SQSTM1: variants seen among roughly 807,000 people sequenced by gnomAD.
The protein encoded by SQSTM1 is sequestosome-1.
A neutral mutation model predicts 45.1 loss-of-function variants in SQSTM1; 36 were observed. That is an observed-to-expected ratio of 0.80 (90% CI 0.61 to 1.05). The LOEUF (loss-of-function observed/expected upper bound fraction) is 1.05. Among genes scored for constraint, SQSTM1 ranks in the 50% least tolerant of loss-of-function variants. SQSTM1 has a pLI of 0.00. For missense variants in SQSTM1, 617 were observed against 607.1 expected (o/e 1.02, Z -0.17); for synonymous variants, 290 against 244.3 (o/e 1.19, Z -1.74).
intron 5 of SQSTM1, among the ~76,000 whole-genome samples, chr5:179,828,367 A>AT (rs1758082914): frequency 1.8e-4 from 17 of 94,594 alleles, no homozygotes; most frequent in African/African-American, 3.0e-4. Flanking sequence ...TTTTTTTCTT[A>AT]TCTTTTTTTT....
chr5:179,809,105 C>A (rs1317524416), intron 1 of SQSTM1, among the ~76,000 whole-genome samples: 1 of 149,550 alleles, frequency 6.7e-6, no homozygotes, highest in Admixed American at 6.7e-5. Context: ...GATCTACCTG[C>A]CTCGGCCTCC....
At chr5:179,822,267 T>A (rs1757811301) in intron 1 of SQSTM1, among the ~76,000 whole-genome samples, 1 of 152,226 alleles carries the variant, frequency 6.6e-6, no homozygotes, top group South Asian at 2.1e-4. Flanking sequence ...GAACTAGTTT[T>A]TTTTGGAGGA....
In SQSTM1 at chr5:179,837,865, C is replaced by T; in HGVS notation, c.*1272C>T. 6.2e-7 allele frequency: 1 copy of T among 1,607,024 alleles called. No individual in the cohort carries two copies. The highest frequency in any genetic ancestry group is 8.5e-7 in the Non-Finnish European group (1 of 1,179,552). ...AGGGGCTGCTGCCTTGTTTCACCTT[C>T]CATGTCAGGCCAGCCTGTCCCTGAA... is the stretch of plus-strand genomic sequence containing the variant. On this transcript the variant is annotated 3_prime_UTR_variant, in exon 8 of 8. Transcript: ENST00000389805.
intron 2 of SQSTM1, chr5:179,812,005 C>G (rs577547302): frequency 6.6e-6 from 1 of 152,036 alleles, no homozygotes; most frequent in Admixed American, 6.5e-5. Context: ...GGGGTTTCAC[C>G]GTGTTAGCCA....
chr5:179,835,370 C>T (rs934658491), intron 7 of SQSTM1: 90 of 169,948 alleles, frequency 5.3e-4, no homozygotes, highest in Admixed American at 1.4e-3. Context: ...GCCGAGATCA[C>T]GCCACTGCAC....
rs767217752 is a variant in SQSTM1 at position 179,837,859 on chromosome 5, C to T, written c.*1266C>T. ...GGAGGCAGGGGCTGCTGCCTTGTTT[C>T]ACCTTCCATGTCAGGCCAGCCTGTC... On this transcript the variant is annotated 3_prime_UTR_variant, in exon 8 of 8. Transcript: ENST00000389805. 6 of 1,608,970 alleles carry T rather than the reference C, an allele frequency of 3.7e-6. No individual in the cohort carries two copies. The East Asian group carries it at 1.1e-4, about 30-fold the overall frequency.
Position 179,836,638 on chromosome 5 carries a change from G to A in SQSTM1, c.*45G>A. 6.2e-7 allele frequency: 1 copy of A among 1,613,876 alleles called. No individual in the cohort carries two copies. The highest frequency in any genetic ancestry group is 8.5e-7 in the Non-Finnish European group (1 of 1,179,774). ...CTGCGTGCCCCTCTTCTGTCTCATA[G>A]TTGTGTTAAGCTTGCGTAGAATTGC... On this transcript the variant is annotated 3_prime_UTR_variant, in exon 8 of 8. Transcript: ENST00000389805.
rs1392938040 is a variant in SQSTM1, at chr5:179,824,086, A to C, written c.530A>C (p.Glu177Ala). 3.2e-5 allele frequency: 51 copies of C among 1,613,722 alleles called. No individual in the cohort carries two copies. The highest frequency in any genetic ancestry group is 4.2e-5 in the Non-Finnish European group (50 of 1,180,028). The change falls in exon 3 of 8, where the codon GAG becomes GCG. Residue 177 changes from glutamate to alanine, a missense_variant and splice_region_variant. Transcript: ENST00000389805. ...AFPSPFGHLS[E>A]GFSHSRWLRK... ...CCCAGCCCCTTCGGGCACCTGTCTG[A>C]GGTGAGCAGGCCCTCTGTGCAGGCC... is the stretch of plus-strand genomic sequence containing the variant.
Position 179,836,454 on chromosome 5 carries a change from T to C in SQSTM1, c.1184T>C (p.Ile395Thr), listed in dbSNP as rs1471635040. The C allele has an allele frequency of 1.2e-6, 2 of 1,614,208 alleles. No homozygotes were observed. The highest frequency in any genetic ancestry group is 1.3e-5 in the African/African-American group (1 of 75,048). ...HLPPEADPRL[I>T]ESLSQMLSMG... The stretch of plus-strand genomic sequence containing the variant: ...TCGGCAGAGGCTGACCCGCGGCTGA[T>C]TGAGTCCCTCTCCCAGATGCTGTCC... The change falls in exon 8 of 8, where the codon ATT (isoleucine) becomes ACT (threonine). Residue 395 changes from isoleucine to threonine, a missense_variant. Physicochemically the swap from Ile to Thr is moderately conservative, Grantham distance 89. Coordinates refer to ENST00000389805, the MANE Select transcript of SQSTM1 (RefSeq NM_003900.5).
rs374371594 is a variant in SQSTM1 at position 179,835,358 on chromosome 5, G to A, written c.1166-1078G>A. 6 of 174,102 alleles carry A rather than the reference G, an allele frequency of 3.4e-5. No homozygotes were observed. The East Asian group carries it at 7.6e-4, about 22-fold the overall frequency. The allele number at this position is 174,102 out of a possible 1,614,324, so 10.8% of individuals were successfully genotyped here. On this transcript the variant is annotated intron_variant, in intron 7 of 7. Coordinates refer to ENST00000389805, the MANE Select transcript of SQSTM1 (RefSeq NM_003900.5). ...GCAGCTGGGAGGTGGAGGTTGTAGC[G>A]AGCCGAGATCACGCCACTGCACTCC...
At chr5:179,809,889 C>T (rs1266282389) in intron 1 of SQSTM1, among the ~76,000 whole-genome samples, 1 of 151,096 alleles carries the variant, frequency 6.6e-6, no homozygotes, top group Non-Finnish European at 1.5e-5. Context: ...GGTGATCCAC[C>T]TGCCTCAGCC....
chr5:179,817,172 C>T (rs375558333), upstream of SQSTM1, among the ~76,000 whole-genome samples: 258 of 152,324 alleles, frequency 1.7e-3, no homozygotes, highest in Non-Finnish European at 2.6e-3. Flanking sequence ...AGTCTCCTCC[C>T]CACGGGCGGC....
At chr5:179,825,054 G>A (rs1757936811) in intron 4 of SQSTM1, 92 bp from the exon 5 acceptor site, 1 of 1,326,822 alleles carries the variant, frequency 7.5e-7, no homozygotes, top group Non-Finnish European at 1.1e-6. Flanking sequence ...GGTCACCCGG[G>A]AACACAGGGA....
chr5:179,823,464 AAAAAAAAAAAAAAAAAG>A (rs1757864807), intron 2 of SQSTM1: 1 of 236,120 alleles, frequency 4.2e-6, no homozygotes. Context: ...AAAAAAAAAA[AAAAAAAAAAAAAAAAAG>A]ACATTTTAAG....
At chr5:179,808,621 T>A (rs981811390) in intron 1 of SQSTM1, among the ~76,000 whole-genome samples, 5 of 150,786 alleles carry the variant, frequency 3.3e-5, no homozygotes, top group Admixed American at 3.3e-4. Context: ...ATCGAGACCA[T>A]CCTGGCTAAC....
At chr5:179,824,908 G>C (rs1259361032) in intron 4 of SQSTM1, among the ~76,000 whole-genome samples, 1 of 152,022 alleles carries the variant, frequency 6.6e-6, no homozygotes, top group Non-Finnish European at 1.5e-5. Context: ...TGGGGTTGCT[G>C]AGCACCAGGG....
rs148799128 is a variant in SQSTM1 at position 179,806,545 on chromosome 5, G to A, written c.-203G>A. Reference sequence around the variant, plus strand: ...GCGAGAGGAAGGCGCACAGGCAGAAGAGCAGCAGCGTCAGGAAGGTGCCAT... The same window carrying A: ...GCGAGAGGAAGGCGCACAGGCAGAAAAGCAGCAGCGTCAGGAAGGTGCCAT... On this transcript the variant is annotated 5_prime_UTR_variant, in exon 1 of 6. Coordinates refer to the SQSTM1 transcript ENST00000514093. This position sits in a 1 kb window ranked among gnomAD's most constrained non-coding sequence, Gnocchi z 4.6. 1.2e-4 allele frequency: 153 copies of A among 1,329,392 alleles called. No individual in the cohort carries two copies. The African/African-American group carries it at 2.0e-3, about 18-fold the overall frequency. 82.3% of individuals were successfully genotyped at this position (1,329,392 alleles called of 1,614,324 possible). A position where few individuals can be genotyped will look rare whatever the true frequency, so the allele number is the denominator to read the frequency against.
At position 179,837,363 on chromosome 5, in the gene SQSTM1, T is replaced by C; in HGVS notation, c.*770T>C. On this transcript the variant is annotated 3_prime_UTR_variant, in exon 8 of 8. Transcript: ENST00000389805. ...AACCCTGTCCCTCCTAACAAGTGTA[T>C]CTCGATTAATAACCTGCCAGTCCCA... 1.9e-6 allele frequency: 3 copies of C among 1,581,448 alleles called. No individual in the cohort carries two copies. The highest frequency in any genetic ancestry group is 2.6e-6 in the Non-Finnish European group (3 of 1,162,894).
upstream of SQSTM1, among the ~76,000 whole-genome samples, chr5:179,815,300 C>T (rs1757548179): frequency 6.6e-6 from 1 of 151,930 alleles, no homozygotes; most frequent in African/African-American, 2.4e-5. Context: ...GCCTGTAATC[C>T]CAGCTACTTG....
Sources: allele counts gnomAD v4.1 joint callset (sites outside exome capture counted in the v4.1 genomes callset), GRCh38; gene constraint gnomAD v4.1.1; non-coding constraint Gnocchi (gnomAD v3.1); transcripts MANE v1.5; gene names NCBI Gene and HGNC (gene_info 2026-07-23, HGNC 2026-07-21).